Variants in PCDH7 observed in about 807,000 individuals in gnomAD.
The protein encoded by PCDH7 is protocadherin 7, also known as protocadherin-7.
PCDH7 carries 17 observed loss-of-function variants against 58.9 expected under a neutral mutation model. That is an observed-to-expected ratio of 0.29 (90% CI 0.20 to 0.43). The LOEUF is 0.43. PCDH7 is among the 20% of genes least tolerant of loss of function. The pLI is 1.00. For missense variants in PCDH7, 1,274 were observed against 1,441.0 expected (o/e 0.88, Z 1.88); for synonymous variants, 664 against 616.4 (o/e 1.08, Z -1.14).
intron 1 of PCDH7, among the ~76,000 whole-genome samples, chr4:30,849,209 C>A (rs1732388818): frequency 6.6e-6 from 1 of 152,068 alleles, no homozygotes; most frequent in Non-Finnish European, 1.5e-5. Flanking sequence ...TAGTCATGGG[C>A]TTGTGTGTAA....
At chr4:31,145,827 A>T (rs185490100), downstream of PCDH7, 1 of 152,164 alleles carries the variant, frequency 6.6e-6, no homozygotes, top group African/African-American at 2.4e-5. Context: ...GGCAAGGTAA[A>T]ATACTGATTT....
chr4:30,901,950 C>A (rs1390459663), intron 1 of PCDH7, among the ~76,000 whole-genome samples: 1 of 152,142 alleles, frequency 6.6e-6, no homozygotes, highest in Non-Finnish European at 1.5e-5. Flanking sequence ...ATGACATTGC[C>A]TGATGAATAA....
chr4:30,950,011 A>C (rs2109446557), intron 2 of PCDH7: 1 of 152,700 alleles, frequency 6.5e-6, no homozygotes, highest in East Asian at 1.9e-4. Context: ...GAAAGCAAAC[A>C]AACTCAGGGT....
chr4:31,096,481 C>A lies in PCDH7; in HGVS notation c.*8-45992C>A, dbSNP rs566362018. On this transcript the variant is annotated intron_variant, in intron 3 of 3. Transcript: ENST00000509759. ...AGGGTAAAAGTAGAGTAGACATTCT[C>A]AATTAAATTAAAGGGTAGCAAATTT... is the stretch of plus-strand genomic sequence containing the variant. Among the ~76,000 whole-genome samples the A allele has an allele frequency of 4.6e-5, 7 of 152,188 alleles. No individual in the cohort carries two copies. In the South Asian group the frequency reaches 1.5e-3, roughly 32 times the overall value.
intron 2 of PCDH7, among the ~76,000 whole-genome samples, chr4:30,933,036 T>TC (rs1744846637): frequency 8.8e-6 from 1 of 113,576 alleles, no homozygotes; most frequent in African/African-American, 3.7e-5. Flanking sequence ...TTTCTTTCTT[T>TC]TTTTTTTTTG....
At chr4:30,880,315 T>C (rs1442641462) in intron 1 of PCDH7, among the ~76,000 whole-genome samples, 1 of 151,560 alleles carries the variant, frequency 6.6e-6, no homozygotes, top group Non-Finnish European at 1.5e-5. Context: ...TCAGCTTTAC[T>C]ATAGAAAGTC....
intron 1 of PCDH7, among the ~76,000 whole-genome samples, chr4:30,738,861 A>G (rs1454471571): frequency 6.6e-6 from 1 of 151,990 alleles, no homozygotes; most frequent in Non-Finnish European, 1.5e-5. Flanking sequence ...ACAGTGGCAT[A>G]ATTGGTCTGA....
chr4:31,033,684 A>G (rs910655553), intron 3 of PCDH7, among the ~76,000 whole-genome samples: 1 of 152,136 alleles, frequency 6.6e-6, no homozygotes, highest in Non-Finnish European at 1.5e-5. Context: ...CCCTTTTAAA[A>G]TCATTTCTCC....
chr4:30,955,463 C>T (rs1560531728), intron 3 of PCDH7, among the ~76,000 whole-genome samples: 1 of 151,842 alleles, frequency 6.6e-6, no homozygotes, highest in Non-Finnish European at 1.5e-5. Context: ...GACAATTTCT[C>T]GAGGCCACTA....
intron 1 of PCDH7, among the ~76,000 whole-genome samples, chr4:30,780,849 G>T (rs139704459): frequency 6.6e-6 from 1 of 152,112 alleles, no homozygotes; most frequent in East Asian, 1.9e-4. Context: ...AGCTCATGAC[G>T]GAGCTGAGTG....
intron 3 of PCDH7, among the ~76,000 whole-genome samples, chr4:31,062,588 A>G (rs1158627057): frequency 3.3e-5 from 5 of 151,896 alleles, no homozygotes; most frequent in East Asian, 1.9e-4. Context: ...CTGATTTCAT[A>G]AACTTAGTCT....
chr4:30,944,198 T>C (rs983879769), intron 2 of PCDH7, among the ~76,000 whole-genome samples: 1 of 152,104 alleles, frequency 6.6e-6, no homozygotes, highest in Non-Finnish European at 1.5e-5. Context: ...GTGCAACAGA[T>C]TGAATTCAGA....
downstream of PCDH7, chr4:31,146,398 T>A (rs938248399): frequency 4.6e-5 from 7 of 151,900 alleles, no homozygotes; most frequent in Admixed American, 6.6e-5. Flanking sequence ...AAAGTGAGCA[T>A]GATCATGAAT....
intron 3 of PCDH7, among the ~76,000 whole-genome samples, chr4:30,972,443 C>T (rs2109474510): frequency 6.6e-6 from 1 of 152,158 alleles, no homozygotes; most frequent in South Asian, 2.1e-4. Context: ...CCACTGTTAT[C>T]TAGAAGGGGC....
chr4:30,917,554 GC>G (rs1483927115), intron 1 of PCDH7, among the ~76,000 whole-genome samples: 1 of 151,638 alleles, frequency 6.6e-6, no homozygotes. Context: ...TATTTTAAAT[GC>G]AAAAAGCATT....
chr4:30,807,619 T>G (rs1358921533), intron 1 of PCDH7, among the ~76,000 whole-genome samples: 1 of 152,200 alleles, frequency 6.6e-6, no homozygotes, highest in East Asian at 1.9e-4. Flanking sequence ...ACTTAAAATT[T>G]TAAGGTAAAA....
rs147322784 is a variant in PCDH7 at position 31,085,232 on chromosome 4, G to A, written c.*8-57241G>A. Among the ~76,000 whole-genome samples the A allele has an allele frequency of 7.2e-5, 11 of 152,060 alleles. No homozygotes were observed. The East Asian group carries it at 1.2e-3, about 16-fold the overall frequency. On this transcript the variant is annotated intron_variant, in intron 3 of 3. Coordinates refer to the PCDH7 transcript ENST00000509759. ...TTGTGCTCAGTTTCTGGGTGGGGCC[G>A]CAAGATCAGATGGCCAGTTTATTGA...
chr4:30,981,221 T>A (rs1560551931), intron 3 of PCDH7, among the ~76,000 whole-genome samples: 1 of 152,184 alleles, frequency 6.6e-6, no homozygotes, highest in Admixed American at 6.5e-5. Context: ...CTCCCCCCAT[T>A]CCTCTGTTTC....
intron 2 of PCDH7, among the ~76,000 whole-genome samples, chr4:30,937,529 C>G (rs915833237): frequency 1.3e-5 from 2 of 152,020 alleles, no homozygotes; most frequent in African/African-American, 4.8e-5. Flanking sequence ...CTTGCTCAAA[C>G]TTGCTTAAGA....
Sources: gnomAD v4.1 joint callset for allele counts (sites outside exome capture counted in the v4.1 genomes callset) on GRCh38, gnomAD v4.1.1 for gene constraint, MANE v1.5 for transcripts, NCBI Gene and HGNC (gene_info 2026-07-23, HGNC 2026-07-21) for gene names.